Variants in GORASP1 observed in about 807,000 individuals in gnomAD.
GORASP1 encodes the protein Golgi reassembly-stacking protein 1.
Under a neutral mutation model 37.7 loss-of-function variants are expected in GORASP1, and 31 were observed. The ratio of observed to expected loss-of-function variants is 0.82; its 90% CI spans 0.62 to 1.11. The LOEUF is 1.11. Ranked by LOEUF, GORASP1 falls within the 50% of genes least tolerant of loss-of-function variation. The pLI is 0.00. For synonymous variants in GORASP1, 204 were observed against 224.8 expected, an observed-to-expected ratio of 0.91 and a Z score of 0.83; for missense variants, 476 against 560.7, an observed-to-expected ratio of 0.85 and a Z score of 1.53.
chr3:39,106,422 GT>G (rs2125713458), intron 1 of GORASP1, among the ~76,000 whole-genome samples: 1 of 151,996 alleles, frequency 6.6e-6, no homozygotes, highest in African/African-American at 2.4e-5. Context: ...GCATTCCACT[GT>G]CCACGCTTGC....
chr3:39,106,217 C>A (rs563926688), intron 1 of GORASP1, among the ~76,000 whole-genome samples: 2 of 152,262 alleles, frequency 1.3e-5, no homozygotes, highest in South Asian at 4.1e-4. Context: ...ATTCTGCCTG[C>A]CAGAGTAGGA....
chr3:39,099,640 T>TA, intron 6 of GORASP1, 137 bp from the exon 7 acceptor site: 1 of 939,378 alleles, frequency 1.1e-6, no homozygotes, highest in East Asian at 2.6e-5. Context: ...ATGGCCTTAA[T>TA]AAACCACCCC....
rs760179756 is a variant in GORASP1 at position 39,098,754 on chromosome 3, A to C, written c.1056T>G (p.Ser352=). 6.2e-7 allele frequency: 1 copy of C among 1,614,010 alleles called. No individual in the cohort carries two copies. Among genetic ancestry groups the C allele is most frequent in the Admixed American group, 1.7e-5 (1 of 60,002 alleles). ...GPEDICSSSS[S]HERGGEATWS... ...ATGGCCACTCACCACCCCGCTCATG[A>C]GAACTGCTGCTGGAGCAGATGTCCT... Residue 352 remains serine (S), a synonymous_variant, in exon 8 of 9, where the codon TCT becomes TCG. Transcript: ENST00000319283. This position sits in a 1 kb window ranked among gnomAD's most constrained non-coding sequence, Gnocchi z 4.7.
Position 39,100,898 on chromosome 3 carries a change from C to G in GORASP1, c.436-21G>C. ...TCGGACTGTGAGAAACGCATAGCAC[C>G]TGAGGCCTGCTTCCAGGGCTAAAGC... is the stretch of plus-strand genomic sequence containing the variant. On this transcript the variant is annotated intron_variant, in intron 4 of 8. Coordinates refer to ENST00000319283, the MANE Select transcript of GORASP1 (RefSeq NM_031899.4). This position sits in a 1 kb window ranked among gnomAD's most constrained non-coding sequence, Gnocchi z 4.6. 6.2e-7 allele frequency: 1 copy of G among 1,614,156 alleles called. No individual in the cohort carries two copies. The highest frequency in any genetic ancestry group is 8.5e-7 in the Non-Finnish European group (1 of 1,179,988).
rs2036292468 is a variant in GORASP1, at chr3:39,107,571, A to G, written c.-30T>C. The G allele has an allele frequency of 2.7e-6, 4 of 1,487,062 alleles. No homozygotes were observed. Among genetic ancestry groups the G allele is most frequent in the South Asian group, 1.3e-5 (1 of 76,456 alleles). 92.1% of individuals were successfully genotyped at this position (1,487,062 alleles called of 1,614,324 possible). ...GCGGCTCCGCTCGGCACCCAGGTCC[A>G]GTCCCGCTGCGCCTACCCGGACCGA... On this transcript the variant is annotated 5_prime_UTR_variant, in exon 1 of 9. Transcript: ENST00000319283.
rs2035753307 is a variant in GORASP1 at position 39,102,070 on chromosome 3, G to A, written c.348+608C>T. Among the ~76,000 whole-genome samples, 1 of 112,438 alleles carries A rather than the reference G, an allele frequency of 8.9e-6. No individual in the cohort carries two copies. Among genetic ancestry groups the A allele is most frequent in the Admixed American group, 7.6e-5 (1 of 13,100 alleles). The allele number at this position is 112,438 out of a possible 152,430, so 73.8% of individuals were successfully genotyped here. On this transcript the variant is annotated intron_variant, in intron 3 of 8. Transcript: ENST00000319283. This position sits in a 1 kb window ranked among gnomAD's most constrained non-coding sequence, Gnocchi z 5.0. Reference sequence around the variant, plus strand: ...CATTGTTAGTTGACTTCATTGTTGTGCAAACATCATAGAACTTAACCTACA... The same window carrying A: ...CATTGTTAGTTGACTTCATTGTTGTACAAACATCATAGAACTTAACCTACA...
rs867906567 is a variant in GORASP1 at position 39,098,461 on chromosome 3, A to C, written c.1098T>G (p.Phe366Leu). 7 of 1,614,150 alleles carry C rather than the reference A, an allele frequency of 4.3e-6. No homozygotes were observed. In the African/African-American group the frequency reaches 8.0e-5, roughly 18 times the overall value. The change falls in exon 9 of 9, where the codon TTT (phenylalanine) becomes TTG (leucine). Residue 366 changes from phenylalanine to leucine, a missense_variant. Transcript: ENST00000319283. This position sits in a 1 kb window ranked among gnomAD's most constrained non-coding sequence, Gnocchi z 4.7. The stretch of plus-strand genomic sequence containing the variant: ...CTGGGCTGTCCAGGAAGGAGACCTC[A>C]AACTCTGACCCAGACCATGTAGCCT... Reference protein sequence around the residue: ...GGEATWSGSEFEVSFLDSPGA... With the variant: ...GGEATWSGSELEVSFLDSPGA...
Position 39,100,439 on chromosome 3 carries a change from TGTG to T in GORASP1, c.628_630del (p.His210del), listed in dbSNP as rs1362420600. ...GGTGGTGGGGTGCCAGGTGGCTTCT[TGTG>T]GTAGCTGGGGGGCTGAGTTGGGATC... On this transcript the variant is annotated inframe_deletion, in exon 6 of 9. Transcript: ENST00000319283. This position sits in a 1 kb window ranked among gnomAD's most constrained non-coding sequence, Gnocchi z 4.6. 9.3e-6 allele frequency: 15 copies of T among 1,610,822 alleles called. No individual in the cohort carries two copies. The highest frequency in any genetic ancestry group is 3.3e-5 in the South Asian group (3 of 90,650).
chr3:39,103,560 C>A lies in GORASP1; in HGVS notation c.64-7G>T, dbSNP rs1233242728. On this transcript the variant is annotated splice_polypyrimidine_tract_variant and splice_region_variant and intron_variant, in intron 1 of 8. Coordinates refer to ENST00000319283, the MANE Select transcript of GORASP1 (RefSeq NM_031899.4). The surrounding 1 kb of genome is among the most constrained non-coding windows in gnomAD (Gnocchi z 5.2). ...CTGGGGAGTTCTCCTGCACCTATCCCACAGCAAAGACCACAGTCACTGCGC... is the reference window on the plus strand; with the variant it reads ...CTGGGGAGTTCTCCTGCACCTATCCAACAGCAAAGACCACAGTCACTGCGC... 6.2e-7 allele frequency: 1 copy of A among 1,608,486 alleles called. No homozygotes were observed. The highest frequency in any genetic ancestry group is 2.2e-5 in the East Asian group (1 of 44,836).
Position 39,103,662 on chromosome 3 carries a change from C to T in GORASP1, c.64-109G>A, listed in dbSNP as rs2035861611. 2.7e-6 allele frequency: 2 copies of T among 729,022 alleles called. No individual in the cohort carries two copies. The highest frequency in any genetic ancestry group is 5.5e-5 in the East Asian group (2 of 36,676). The allele number at this position is 729,022 out of a possible 1,614,324, so 45.2% of individuals were successfully genotyped here. On this transcript the variant is annotated intron_variant, in intron 1 of 8. Coordinates refer to ENST00000319283, the MANE Select transcript of GORASP1 (RefSeq NM_031899.4). This position sits in a 1 kb window ranked among gnomAD's most constrained non-coding sequence, Gnocchi z 5.2. ...CACTCCCAGTGTGCCAGCCAGAACA[C>T]ATGTCTGGCATGAACTGTTCCGGAC...
At position 39,107,542 on chromosome 3, in the gene GORASP1, G is replaced by T; in HGVS notation, c.-1C>A. The T allele has an allele frequency of 6.7e-7, 1 of 1,501,016 alleles. No individual in the cohort carries two copies. The highest frequency in any genetic ancestry group is 8.8e-7 in the Non-Finnish European group (1 of 1,134,818). 93.0% of individuals were successfully genotyped at this position (1,501,016 alleles called of 1,614,324 possible). A position where few individuals can be genotyped will look rare whatever the true frequency, so the allele number is the denominator to read the frequency against. On this transcript the variant is annotated 5_prime_UTR_variant, in exon 1 of 9. Coordinates refer to ENST00000319283, the MANE Select transcript of GORASP1 (RefSeq NM_031899.4). The stretch of plus-strand genomic sequence containing the variant: ...GCTCAGCGCTGACGCCCAGGCCCAT[G>T]GCAGCGGCTCCGCTCGGCACCCAGG...
intron 3 of GORASP1, 161 bp from the exon 4 acceptor site, chr3:39,101,263 C>T (rs1016376587): frequency 1.5e-6 from 1 of 661,800 alleles, no homozygotes; most frequent in Non-Finnish European, 2.7e-6. Context: ...CCCCTCCATT[C>T]CCCTATCTCC....
In GORASP1 at chr3:39,098,769, G is replaced by A; in HGVS notation, c.1041C>T (p.Cys347=). The A allele has an allele frequency of 1.9e-6, 3 of 1,614,108 alleles. No homozygotes were observed. The highest frequency in any genetic ancestry group is 2.5e-6 in the Non-Finnish European group (3 of 1,179,980). ...AVSTSGPEDI[C]SSSSSHERGG... Reference sequence around the variant, plus strand: ...CCCGCTCATGAGAACTGCTGCTGGAGCAGATGTCCTCTGGCCCTGAGGTTG... The same window carrying A: ...CCCGCTCATGAGAACTGCTGCTGGAACAGATGTCCTCTGGCCCTGAGGTTG... The change falls in exon 8 of 9, where the codon TGC becomes TGT. Residue 347 remains cysteine, a synonymous_variant. Coordinates refer to ENST00000319283, the MANE Select transcript of GORASP1 (RefSeq NM_031899.4). The surrounding 1 kb of genome is among the most constrained non-coding windows in gnomAD (Gnocchi z 4.7).
rs769497446 is a variant in GORASP1 at position 39,100,512 on chromosome 3, G to A, written c.567-9C>T. 1.4e-5 allele frequency: 22 copies of A among 1,551,220 alleles called. No individual in the cohort carries two copies. The highest frequency in any genetic ancestry group is 3.8e-4 in the Middle Eastern group (2 of 5,284). On this transcript the variant is annotated splice_polypyrimidine_tract_variant and intron_variant, in intron 5 of 8. Transcript: ENST00000319283. The surrounding 1 kb of genome is among the most constrained non-coding windows in gnomAD (Gnocchi z 4.6). ...CAATGCCACATCCCAGACTGCCGAA[G>A]GCCAGAAACATTCAATCCAGGGGCT...
rs201028034 is a variant in GORASP1, at chr3:39,102,696, C to T, written c.330G>A (p.Glu110=). Residue 110 remains glutamate, a synonymous_variant, in exon 3 of 9, where the codon GAG becomes GAA. Coordinates refer to ENST00000319283, the MANE Select transcript of GORASP1 (RefSeq NM_031899.4). The surrounding 1 kb of genome is among the most constrained non-coding windows in gnomAD (Gnocchi z 5.0). The part of the protein sequence containing the change: ...VRFCSFRRAS[E]QVWHVLDVEP... ...CACTCACCAGCACATGCCACACCTG[C>T]TCACTGGCCCTGCGGAAGCTGCAGA... 3.7e-6 allele frequency: 6 copies of T among 1,614,174 alleles called. No individual in the cohort carries two copies. The African/African-American group carries it at 5.3e-5, about 14-fold the overall frequency.
intron 3 of GORASP1, chr3:39,101,330 G>A: frequency 1.6e-6 from 1 of 608,162 alleles, no homozygotes. Flanking sequence ...TCAGCACCAG[G>A]CTCTGGAATC....
Position 39,100,536 on chromosome 3 carries a change from C to G in GORASP1, c.567-33G>C, listed in dbSNP as rs1297513141. 46 of 1,532,232 alleles carry G rather than the reference C, an allele frequency of 3.0e-5. No individual in the cohort carries two copies. In the Admixed American group the frequency reaches 9.6e-4, roughly 32 times the overall value. The allele number at this position is 1,532,232 out of a possible 1,614,324, so 94.9% of individuals were successfully genotyped here. A position where few individuals can be genotyped will look rare whatever the true frequency, so the allele number is the denominator to read the frequency against. ...AGGCCAGAAACATTCAATCCAGGGGCTTGTCCCACGGCCCTCCCTACCTTT... is the reference window on the plus strand; with the variant it reads ...AGGCCAGAAACATTCAATCCAGGGGGTTGTCCCACGGCCCTCCCTACCTTT... On this transcript the variant is annotated intron_variant, in intron 5 of 8. Coordinates refer to ENST00000319283, the MANE Select transcript of GORASP1 (RefSeq NM_031899.4). This position sits in a 1 kb window ranked among gnomAD's most constrained non-coding sequence, Gnocchi z 4.6.
chr3:39,100,666 C>G lies in GORASP1; in HGVS notation c.566+81G>C. ...CCCAGGGCCCAACCCTCCTCCATCT[C>G]CACCATAGAACTCTGAGGTCCATGC... is the stretch of plus-strand genomic sequence containing the variant. On this transcript the variant is annotated intron_variant, in intron 5 of 8. Transcript: ENST00000319283. This position sits in a 1 kb window ranked among gnomAD's most constrained non-coding sequence, Gnocchi z 4.6. 2 of 1,556,754 alleles carry G rather than the reference C, an allele frequency of 1.3e-6. No individual in the cohort carries two copies. The highest frequency in any genetic ancestry group is 1.7e-6 in the Non-Finnish European group (2 of 1,148,224).
At position 39,100,872 on chromosome 3, in the gene GORASP1, C is replaced by A. The variant is rs1240041486; in HGVS notation, c.441G>T (p.Glu147Asp). 9 of 1,614,056 alleles carry A rather than the reference C, an allele frequency of 5.6e-6. No individual in the cohort carries two copies. Among genetic ancestry groups the A allele is most frequent in the Non-Finnish European group, 7.6e-6 (9 of 1,180,010 alleles). ...VGSDQILQESEDFFTLIESHE... is the reference protein window; with the variant it reads ...VGSDQILQESDDFFTLIESHE... ...GAGACTCGATGAGCGTAAAGAAGTC[C>A]TCGGACTGTGAGAAACGCATAGCAC... The change falls in exon 5 of 9, where the codon GAG becomes GAT. Residue 147 changes from glutamate (E) to aspartate (D), a missense_variant. By Grantham distance (45) the Glu-to-Asp change is conservative (BLOSUM62 2). Coordinates refer to ENST00000319283, the MANE Select transcript of GORASP1 (RefSeq NM_031899.4). The surrounding 1 kb of genome is among the most constrained non-coding windows in gnomAD (Gnocchi z 4.6).
Sources: allele counts gnomAD v4.1 joint callset (sites outside exome capture counted in the v4.1 genomes callset), GRCh38; gene constraint gnomAD v4.1.1; non-coding constraint Gnocchi (gnomAD v3.1); transcripts MANE v1.5; gene names NCBI Gene and HGNC (gene_info 2026-07-23, HGNC 2026-07-21).